KLRG1: variants seen among roughly 807,000 people sequenced by gnomAD.
The protein encoded by KLRG1 is killer cell lectin-like receptor subfamily G member 1.
KLRG1 carries 16 observed loss-of-function variants against 21.8 expected under a neutral mutation model. The ratio of observed to expected loss-of-function variants is 0.73; its 90% confidence interval spans 0.50 to 1.11. KLRG1 has a LOEUF of 1.11. Ranked by LOEUF, KLRG1 falls within the 50% of genes most tolerant of loss-of-function variation. KLRG1 has a pLI of 0.00. For synonymous variants in KLRG1, 69 were observed against 75.9 expected (o/e 0.91, Z 0.47); for missense variants, 173 against 218.3 (o/e 0.79, Z 1.31).
the KLRG1 span, chr12:9,192,265 A>G: frequency 6.2e-7 from 1 of 1,613,472 alleles, no homozygotes; most frequent in East Asian, 2.2e-5. Context: ...ATCTGAAATG[A>G]AAAAACAGTG....
chr12:9,206,162 C>T, the KLRG1 span, among the ~76,000 whole-genome samples: 1 of 152,042 alleles, frequency 6.6e-6, no homozygotes, highest in Non-Finnish European at 1.5e-5. Context: ...GCTCTTTTAA[C>T]AGCATAATAA....
At chr12:9,067,136 A>G in the KLRG1 span, 1 of 152,436 alleles carries the variant, frequency 6.6e-6, no homozygotes, top group Non-Finnish European at 1.5e-5. Flanking sequence ...TCCAGAAGAA[A>G]GATGATCCAA....
At chr12:9,048,609 A>G in the KLRG1 span, among the ~76,000 whole-genome samples, 1 of 152,220 alleles carries the variant, frequency 6.6e-6, no homozygotes, top group East Asian at 1.9e-4. Flanking sequence ...AAAGAAAAAA[A>G]CTTTTGGTCA....
At chr12:9,198,647 A>G in the KLRG1 span, among the ~76,000 whole-genome samples, 1 of 152,188 alleles carries the variant, frequency 6.6e-6, no homozygotes, top group South Asian at 2.1e-4. Flanking sequence ...CACATGTTAT[A>G]TTAGTCCTTT....
the KLRG1 span, among the ~76,000 whole-genome samples, chr12:9,173,534 G>A: frequency 1.3e-5 from 2 of 152,048 alleles, 1 homozygote; most frequent in South Asian, 4.2e-4. Flanking sequence ...ATGAATCCAG[G>A]AGCTGGTTTT....
At chr12:9,097,996 G>C in the KLRG1 span, among the ~76,000 whole-genome samples, 9 of 152,194 alleles carry the variant, frequency 5.9e-5, no homozygotes, top group Non-Finnish European at 1.2e-4. Flanking sequence ...GCAGGTATAT[G>C]TATCACTTTT....
the KLRG1 span, among the ~76,000 whole-genome samples, chr12:9,175,242 G>T: frequency 6.6e-6 from 1 of 152,162 alleles, no homozygotes; most frequent in Non-Finnish European, 1.5e-5. Flanking sequence ...ATGGTGCTGG[G>T]AATGCTGGCT....
At chr12:8,964,536 T>C (rs1393820764) in intron 1 of KLRG1, among the ~76,000 whole-genome samples, 1 of 152,172 alleles carries the variant, frequency 6.6e-6, no homozygotes, top group Non-Finnish European at 1.5e-5. Context: ...GAGAGTTCTG[T>C]AGATGTCTAT....
the KLRG1 span, chr12:9,197,240 C>CTTG: frequency 1.5e-6 from 1 of 662,324 alleles, no homozygotes; most frequent in East Asian, 3.0e-5. Context: ...ATCTGGGTGC[C>CTTG]CACCAAGTAG....
At chr12:9,186,031 C>T in the KLRG1 span, among the ~76,000 whole-genome samples, 2 of 151,934 alleles carry the variant, frequency 1.3e-5, no homozygotes, top group African/African-American at 4.8e-5. Context: ...TGGTCTCGAT[C>T]TCCTGACTTC....
chr12:8,950,728 G>A (rs1243603033), intron 1 of KLRG1, among the ~76,000 whole-genome samples: 1 of 151,996 alleles, frequency 6.6e-6, no homozygotes. Flanking sequence ...TGCATATCTC[G>A]GTGGTGCCCG....
chr12:9,009,696 C>A lies in KLRG1; in HGVS notation c.*159C>A. On this transcript the variant is annotated 3_prime_UTR_variant, in exon 5 of 5. Transcript: ENST00000356986. ...CAAGACAACCTCCTAGGGATTGATG[C>A]CTAACTGATGGATTCTCTTTGAGAC... 7.0e-7 allele frequency: 1 copy of A among 1,427,262 alleles called. No homozygotes were observed. Among genetic ancestry groups the A allele is most frequent in the Admixed American group, 2.9e-5 (1 of 34,188 alleles). 88.4% of individuals were successfully genotyped at this position (1,427,262 alleles called of 1,614,324 possible). A position where few individuals can be genotyped will look rare whatever the true frequency, so the allele number is the denominator to read the frequency against.
At position 8,989,687 on chromosome 12, in the gene KLRG1, G is replaced by T; in HGVS notation, c.52G>T (p.Ala18Ser). 1 of 1,610,566 alleles carries T rather than the reference G, an allele frequency of 6.2e-7. No homozygotes were observed. Residue 18 changes from alanine (A) to serine (S), a missense_variant, in exon 1 of 5, where the codon GCC (alanine) becomes TCC (serine). By Grantham distance (99) the Ala-to-Ser change is moderately conservative. Coordinates refer to ENST00000356986, the MANE Select transcript of KLRG1 (RefSeq NM_005810.4). Reference protein sequence around the residue: ...SMLELPTATQAQNDYGPQQKS... With the variant: ...SMLELPTATQSQNDYGPQQKS... ...GTTAGAGTTGCCTACGGCAACCCAA[G>T]CCCAGAATGACTATGGACCACAGCA...
At chr12:8,995,028 C>A in intron 2 of KLRG1, 91 bp from the exon 3 acceptor site, 2 of 1,208,164 alleles carry the variant, frequency 1.7e-6, no homozygotes, top group Non-Finnish European at 2.3e-6. Context: ...GCAGGGAAGA[C>A]CCAGGGCTGC....
chr12:9,109,420 T>A, the KLRG1 span: 2 of 1,600,964 alleles, frequency 1.2e-6, no homozygotes, highest in Admixed American at 3.4e-5. Flanking sequence ...TGATTGGTGA[T>A]AAAGAAGGTT....
chr12:9,189,198 C>G, the KLRG1 span, among the ~76,000 whole-genome samples: 1 of 152,076 alleles, frequency 6.6e-6, no homozygotes, highest in Non-Finnish European at 1.5e-5. Context: ...CAAGGCAATC[C>G]TAAGCAAAAA....
the KLRG1 span, chr12:9,099,383 T>C: frequency 6.4e-7 from 1 of 1,555,102 alleles, no homozygotes; most frequent in Non-Finnish European, 8.7e-7. Flanking sequence ...ACACACACCT[T>C]GTTGGCCAGA....
chr12:9,108,548 C>T, the KLRG1 span, among the ~76,000 whole-genome samples: 1 of 152,298 alleles, frequency 6.6e-6, no homozygotes, highest in Non-Finnish European at 1.5e-5. Flanking sequence ...TTTGCAAGAT[C>T]ACACCAGTTA....
At chr12:9,028,152 T>A in the KLRG1 span, 2 of 578,998 alleles carry the variant, frequency 3.5e-6, no homozygotes, top group Non-Finnish European at 6.0e-6. Flanking sequence ...TCTTCTTCTT[T>A]TTTTTTTTTT....
Sources: allele counts gnomAD v4.1 joint callset (sites outside exome capture counted in the v4.1 genomes callset), GRCh38; gene constraint gnomAD v4.1.1; transcripts MANE v1.5; gene names NCBI Gene and HGNC (gene_info 2026-07-23, HGNC 2026-07-21).